Variants in ASPH observed in about 807,000 individuals in gnomAD.
The protein encoded by ASPH is aspartyl/asparaginyl beta-hydroxylase.
In ASPH, 100 loss-of-function variants were observed where a neutral mutation model predicts 118.4. That is an observed-to-expected ratio of 0.84 (90% CI 0.72 to 1.00). The LOEUF (loss-of-function observed/expected upper bound fraction) is 1.00, where lower values mean the gene tolerates loss of function less well. Among genes scored for constraint, ASPH ranks in the 50% least tolerant of loss-of-function variants. ASPH has a pLI of 0.00. For synonymous variants in ASPH, 315 were observed against 325.6 expected (o/e 0.97, Z 0.35); for missense variants, 920 against 919.5 (o/e 1.00, Z -0.01).
intron 24 of ASPH, among the ~76,000 whole-genome samples, chr8:61,508,296 G>A (rs1586202543): frequency 1.3e-5 from 2 of 152,128 alleles, no homozygotes; most frequent in African/African-American, 2.4e-5. Flanking sequence ...GATTACAGGT[G>A]TGAGCCACTG....
chr8:61,560,714 A>C (rs1286209378), intron 18 of ASPH, among the ~76,000 whole-genome samples: 2 of 152,200 alleles, frequency 1.3e-5, no homozygotes, highest in African/African-American at 4.8e-5. Flanking sequence ...AACAACAGGT[A>C]AATTTTATTT....
chr8:61,648,313 C>T (rs1239688387), intron 5 of ASPH, among the ~76,000 whole-genome samples: 2 of 152,188 alleles, frequency 1.3e-5, no homozygotes, highest in African/African-American at 4.8e-5. Flanking sequence ...AAGAAGCCTT[C>T]CTTAGTTACT....
At chr8:61,621,052 T>C (rs912157177) in intron 13 of ASPH, among the ~76,000 whole-genome samples, 2 of 152,206 alleles carry the variant, frequency 1.3e-5, no homozygotes, top group African/African-American at 4.8e-5. Flanking sequence ...TGGTTGGACA[T>C]ATGCCCAGAA....
chr8:61,554,374 A>G (rs1827086712), intron 19 of ASPH, among the ~76,000 whole-genome samples: 1 of 152,226 alleles, frequency 6.6e-6, no homozygotes, highest in African/African-American at 2.4e-5. Flanking sequence ...CATGCCAGCC[A>G]AATAAAACAT....
chr8:61,713,275 G>A (rs921177100), intron 1 of ASPH, among the ~76,000 whole-genome samples: 13 of 152,300 alleles, frequency 8.5e-5, no homozygotes, highest in Middle Eastern at 3.4e-3. Context: ...AACATTCTAG[G>A]AGCTGGGGAT....
intron 2 of ASPH, 141 bp from the exon 3 acceptor site, chr8:61,681,177 C>T (rs1023188372): frequency 4.7e-5 from 27 of 579,836 alleles, no homozygotes; most frequent in Non-Finnish European, 7.5e-5. Flanking sequence ...TCCTGCAAAG[C>T]AGTGTCAAAT....
At position 61,644,018 on chromosome 8, in the gene ASPH, A is replaced by G. The variant is rs1188373080; in HGVS notation, c.653-17T>C. On this transcript the variant is annotated splice_polypyrimidine_tract_variant and intron_variant, in intron 7 of 24. Transcript: ENST00000379454. ...CTTGTGAAACTATAAATTATGGAAT[A>G]ATTAGGAAATTACGTCTCAAATAAG... is the stretch of plus-strand genomic sequence containing the variant. 2 of 1,569,832 alleles carry G rather than the reference A, an allele frequency of 1.3e-6. No individual in the cohort carries two copies. Among genetic ancestry groups the G allele is most frequent in the Non-Finnish European group, 1.8e-6 (2 of 1,142,012 alleles).
At chr8:61,698,027 C>T (rs542161777) in intron 1 of ASPH, among the ~76,000 whole-genome samples, 1 of 152,258 alleles carries the variant, frequency 6.6e-6, no homozygotes, top group South Asian at 2.1e-4. Flanking sequence ...TTGAACTCCT[C>T]CTGGCTTCAA....
intron 1 of ASPH, among the ~76,000 whole-genome samples, chr8:61,694,008 C>T (rs948359412): frequency 1.3e-5 from 2 of 152,170 alleles, no homozygotes; most frequent in African/African-American, 2.4e-5. Context: ...AGCTGGGCCT[C>T]GGTGCTGCCT....
At chr8:61,642,765 T>C (rs1588528833) in intron 10 of ASPH, 123 bp downstream of exon 10, 2 of 789,284 alleles carry the variant, frequency 2.5e-6, no homozygotes, top group African/African-American at 1.9e-5. Context: ...GAATCGCTTG[T>C]ACCCAGGAGG....
chr8:61,624,151 T>C, intron 13 of ASPH: 2 of 832,514 alleles, frequency 2.4e-6, no homozygotes, highest in Non-Finnish European at 1.4e-6. Flanking sequence ...TAATTTATTG[T>C]ACATTTTCTA....
rs117917702 is a variant in ASPH at position 61,515,658 on chromosome 8, T to C, written c.2126+1870A>G. Among the ~76,000 whole-genome samples the C allele has an allele frequency of 6.2e-3, 942 of 152,314 alleles. 32 individuals carry two copies. In the East Asian group the frequency reaches 0.08, roughly 13 times the overall value. On this transcript the variant is annotated intron_variant, in intron 24 of 24. Coordinates refer to ENST00000379454, the MANE Select transcript of ASPH (RefSeq NM_004318.4). Reference sequence around the variant, plus strand: ...GGATGGTTCTACAAGTGTGTTCCAATAGCAACTAAATAAAATACATAAGCA... The same window carrying C: ...GGATGGTTCTACAAGTGTGTTCCAACAGCAACTAAATAAAATACATAAGCA...
rs142544904 is a variant in ASPH, at chr8:61,586,645, G to A, written c.977-2616C>T. Among the ~76,000 whole-genome samples, 12 of 152,146 alleles carry A rather than the reference G, an allele frequency of 7.9e-5. No homozygotes were observed. The East Asian group carries it at 1.5e-3, about 20-fold the overall frequency. ...CTGAACACAGGGAATTTAACTACAC[G>A]GAGAAGACCACTGAGGTTCCAAAAG... On this transcript the variant is annotated intron_variant, in intron 14 of 24. Coordinates refer to ENST00000379454, the MANE Select transcript of ASPH (RefSeq NM_004318.4).
At position 61,524,512 on chromosome 8, in the gene ASPH, G is replaced by A. The variant is rs551987000; in HGVS notation, c.1900+1465C>T. Among the ~76,000 whole-genome samples, 86 of 152,108 alleles carry A rather than the reference G, an allele frequency of 5.7e-4. 1 individual carries two copies. The Middle Eastern group carries it at 0.027, about 48-fold the overall frequency. ...ACAATTCTATCACATGTAAGAAAGA[G>A]AAAGAAAGAACATGTAAATTCCATT... On this transcript the variant is annotated intron_variant, in intron 22 of 24. Coordinates refer to ENST00000379454, the MANE Select transcript of ASPH (RefSeq NM_004318.4).
intron 1 of ASPH, among the ~76,000 whole-genome samples, chr8:61,690,143 G>A (rs974920903): frequency 6.6e-6 from 1 of 152,124 alleles, no homozygotes; most frequent in Admixed American, 6.6e-5. Flanking sequence ...ATAAAATATG[G>A]CCCCAAGCCC....
intron 3 of ASPH, chr8:61,661,334 A>T (rs1816814466): frequency 6.6e-6 from 1 of 152,208 alleles, no homozygotes; most frequent in Non-Finnish European, 1.5e-5. Flanking sequence ...TTATTCTACC[A>T]ATGATAAAGG....
At chr8:61,577,513 C>T (rs372262495) in intron 15 of ASPH, among the ~76,000 whole-genome samples, 7 of 150,816 alleles carry the variant, frequency 4.6e-5, no homozygotes, top group South Asian at 4.2e-4. Context: ...ACCATGTTCT[C>T]GAATATTGTA....
chr8:61,699,827 T>C (rs540227059), intron 1 of ASPH, among the ~76,000 whole-genome samples: 28 of 152,296 alleles, frequency 1.8e-4, no homozygotes, highest in South Asian at 4.1e-4. Context: ...TGCAGGGAGA[T>C]TGACTTCTCA....
chr8:61,601,705 A>T (rs1023053535), intron 14 of ASPH, among the ~76,000 whole-genome samples: 4 of 151,322 alleles, frequency 2.6e-5, no homozygotes, highest in Admixed American at 6.6e-5. Flanking sequence ...ATTTTGAGAG[A>T]AGTTAACTAA....
Sources: gnomAD v4.1 joint callset for allele counts (sites outside exome capture counted in the v4.1 genomes callset) on GRCh38, gnomAD v4.1.1 for gene constraint, MANE v1.5 for transcripts, NCBI Gene and HGNC (gene_info 2026-07-23, HGNC 2026-07-21) for gene names.